PPP1R3C: variants seen among roughly 807,000 people sequenced by gnomAD.
PPP1R3C encodes protein phosphatase 1 regulatory subunit 3C.
Under a neutral mutation model 29.3 loss-of-function variants are expected in PPP1R3C, and 20 were observed. The ratio of observed to expected loss-of-function variants is 0.68; its 90% CI spans 0.48 to 0.99. The LOEUF (loss-of-function observed/expected upper bound fraction) is 0.99. PPP1R3C is among the 50% of genes least tolerant of loss of function. PPP1R3C has a pLI of 0.00. For missense variants in PPP1R3C, 321 were observed against 386.0 expected (o/e 0.83, Z 1.41); for synonymous variants, 123 against 143.1 (o/e 0.86, Z 1.00).
intron 1 of PPP1R3C, among the ~76,000 whole-genome samples, chr10:91,632,165 G>A (rs1848723946): frequency 1.3e-5 from 2 of 152,138 alleles, no homozygotes; most frequent in African/African-American, 4.8e-5. Context: ...CTCTAAACAT[G>A]TATGCAAGTG....
At position 91,630,850 on chromosome 10, in the gene PPP1R3C, C is replaced by A; in HGVS notation, c.31G>T (p.Asp11Tyr). 6.2e-7 allele frequency: 1 copy of A among 1,612,110 alleles called. No homozygotes were observed. The highest frequency in any genetic ancestry group is 8.5e-7 in the Non-Finnish European group (1 of 1,179,952). The change falls in exon 2 of 2, where the codon GAT becomes TAT. Residue 11 changes from aspartate (D) to tyrosine (Y), a missense_variant. By Grantham distance (160) the Asp-to-Tyr change is radical. Transcript: ENST00000238994. This position sits in a 1 kb window ranked among gnomAD's most constrained non-coding sequence, Gnocchi z 4.4. ...ACCGAACTTGTCAAAGGACGTGGATCTAAAACCTGGATCATTCTGGAATGC... is the reference window on the plus strand; with the variant it reads ...ACCGAACTTGTCAAAGGACGTGGATATAAAACCTGGATCATTCTGGAATGC... MSCTRMIQVLDPRPLTSSVMP... is the reference protein window; with the variant it reads MSCTRMIQVLYPRPLTSSVMP...
intron 1 of PPP1R3C, among the ~76,000 whole-genome samples, chr10:91,631,140 G>A (rs1361383266): frequency 6.6e-6 from 1 of 152,186 alleles, no homozygotes; most frequent in Non-Finnish European, 1.5e-5. Context: ...AAAAGGGTTC[G>A]ATTTGATTAT....
At chr10:91,631,663 T>G (rs1251920774) in intron 1 of PPP1R3C, among the ~76,000 whole-genome samples, 1 of 152,212 alleles carries the variant, frequency 6.6e-6, no homozygotes, top group African/African-American at 2.4e-5. Flanking sequence ...ACAATTCATA[T>G]GCACTTAAAA....
rs140135243 is a variant in PPP1R3C, at chr10:91,630,483, T to A, written c.398A>T (p.Asn133Ile). 1 of 1,614,144 alleles carries A rather than the reference T, an allele frequency of 6.2e-7. No homozygotes were observed. The highest frequency in any genetic ancestry group is 2.2e-5 in the East Asian group (1 of 44,882). The part of the protein sequence containing the change: ...SSALKHHEEK[N>I]LILDFPQPST... Reference sequence around the variant, plus strand: ...AGGCTGAGGGAAATCTAAAATCAAGTTTTTCTCCTCGTGGTGTTTTAAGGC... The same window carrying A: ...AGGCTGAGGGAAATCTAAAATCAAGATTTTCTCCTCGTGGTGTTTTAAGGC... The change falls in exon 2 of 2, where the codon AAC becomes ATC. Residue 133 changes from asparagine (N) to isoleucine (I), a missense_variant. Transcript: ENST00000238994. The surrounding 1 kb of genome is among the most constrained non-coding windows in gnomAD (Gnocchi z 4.4).
Position 91,629,949 on chromosome 10 carries a change from T to C in PPP1R3C, c.932A>G (p.Glu311Gly), listed in dbSNP as rs774066029. 8 of 1,614,180 alleles carry C rather than the reference T, an allele frequency of 5.0e-6. No individual in the cohort carries two copies. The Admixed American group carries it at 1.3e-4, about 27-fold the overall frequency. ...FPEWQSWGRM[E>G]NLASYR ...AATTCATCGATAAGAGGCCAAGTTCTCCATTCTCCCCCAGCTCTGCCACTC... is the reference window on the plus strand; with the variant it reads ...AATTCATCGATAAGAGGCCAAGTTCCCCATTCTCCCCCAGCTCTGCCACTC... The change falls in exon 2 of 2, where the codon GAG (glutamate) becomes GGG (glycine). Residue 311 changes from glutamate (E) to glycine (G), a missense_variant. Transcript: ENST00000238994.
chr10:91,632,844 C>T, intron 1 of PPP1R3C, 112 bp downstream of exon 1: 1 of 1,469,926 alleles, frequency 6.8e-7, no homozygotes, highest in Non-Finnish European at 9.3e-7. Flanking sequence ...GTCCACTTGT[C>T]CTCCCCCTGG....
Position 91,630,524 on chromosome 10 carries a change from A to G in PPP1R3C, c.357T>C (p.Leu119=), listed in dbSNP as rs781753987. ...AWDLQFDLLD[L]NDISSALKHH... ...GTTTTAAGGCAGAGGAGATATCATTAAGGTCCAAGAGATCAAACTGCAGAT... is the reference window on the plus strand; with the variant it reads ...GTTTTAAGGCAGAGGAGATATCATTGAGGTCCAAGAGATCAAACTGCAGAT... The change falls in exon 2 of 2, where the codon CTT becomes CTC. Residue 119 remains leucine (L), a synonymous_variant. Coordinates refer to ENST00000238994, the MANE Select transcript of PPP1R3C (RefSeq NM_005398.7). This position sits in a 1 kb window ranked among gnomAD's most constrained non-coding sequence, Gnocchi z 4.4. The G allele has an allele frequency of 6.2e-7, 1 of 1,614,184 alleles. No individual in the cohort carries two copies. The highest frequency in any genetic ancestry group is 1.1e-5 in the South Asian group (1 of 91,080).
In PPP1R3C at chr10:91,630,973, C is replaced by T. The variant is rs1214277572; in HGVS notation, c.15-107G>A. On this transcript the variant is annotated intron_variant, in intron 1 of 1. Coordinates refer to ENST00000238994, the MANE Select transcript of PPP1R3C (RefSeq NM_005398.7). This position sits in a 1 kb window ranked among gnomAD's most constrained non-coding sequence, Gnocchi z 4.4. ...TGCTGACTGAATTATAGCCAGTGCACTAGATATCAGGCAGGTGCTATCATA... is the reference window on the plus strand; with the variant it reads ...TGCTGACTGAATTATAGCCAGTGCATTAGATATCAGGCAGGTGCTATCATA... The T allele has an allele frequency of 1.1e-6, 1 of 947,612 alleles. No individual in the cohort carries two copies. The highest frequency in any genetic ancestry group is 2.5e-5 in the East Asian group (1 of 39,510). 58.7% of individuals were successfully genotyped at this position (947,612 alleles called of 1,614,324 possible). A position where few individuals can be genotyped will look rare whatever the true frequency, so the allele number is the denominator to read the frequency against.
chr10:91,632,862 A>G (rs1340461433), intron 1 of PPP1R3C, 94 bp downstream of exon 1: 2 of 1,524,810 alleles, frequency 1.3e-6, no homozygotes, highest in Middle Eastern at 1.7e-4. Context: ...TGGGGTGTCC[A>G]TTTCCAGAGA....
In PPP1R3C at chr10:91,633,041, C is replaced by G; in HGVS notation, c.-72G>C. On this transcript the variant is annotated 5_prime_UTR_variant, in exon 1 of 2. Transcript: ENST00000238994. ...ACAAATTCGAACCACAGCTCCAGGC[C>G]TTGCCCCCGCGGCGGTCGCTGGGAG... 6.3e-7 allele frequency: 1 copy of G among 1,577,484 alleles called. No individual in the cohort carries two copies. The highest frequency in any genetic ancestry group is 8.6e-7 in the Non-Finnish European group (1 of 1,160,000).
rs1256768099 is a variant in PPP1R3C at position 91,630,108 on chromosome 10, T to C, written c.773A>G (p.His258Arg). The change falls in exon 2 of 2, where the codon CAT (histidine) becomes CGT (arginine). Residue 258 changes from histidine to arginine, a missense_variant. Transcript: ENST00000238994. The surrounding 1 kb of genome is among the most constrained non-coding windows in gnomAD (Gnocchi z 4.4). ...NNDGQNYRIV[H>R]VQWKPDGVQT... ...CACCCCATCAGGCTTCCATTGAACA[T>C]GAACAATTCTATAATTCTGACCATC... 3 of 1,614,070 alleles carry C rather than the reference T, an allele frequency of 1.9e-6. No homozygotes were observed. The highest frequency in any genetic ancestry group is 4.5e-5 in the East Asian group (2 of 44,894).
At position 91,629,401 on chromosome 10, in the gene PPP1R3C, G is replaced by A. The variant is rs958860997; in HGVS notation, c.*526C>T. The A allele has an allele frequency of 6.2e-6, 1 of 161,524 alleles. No individual in the cohort carries two copies. Among genetic ancestry groups the A allele is most frequent in the Non-Finnish European group, 1.4e-5 (1 of 73,188 alleles). 10.0% of individuals were successfully genotyped at this position (161,524 alleles called of 1,614,324 possible). A position where few individuals can be genotyped will look rare whatever the true frequency, so the allele number is the denominator to read the frequency against. On this transcript the variant is annotated 3_prime_UTR_variant, in exon 2 of 2. Coordinates refer to ENST00000238994, the MANE Select transcript of PPP1R3C (RefSeq NM_005398.7). ...AGGTTATTTAGCTTTTCTCCACAAG[G>A]ATACGTAGAATGGATCTTTTTCCCC...
chr10:91,630,995 C>A lies in PPP1R3C; in HGVS notation c.15-129G>T. 1 of 799,502 alleles carries A rather than the reference C, an allele frequency of 1.3e-6. No homozygotes were observed. Among genetic ancestry groups the A allele is most frequent in the Non-Finnish European group, 2.1e-6 (1 of 473,996 alleles). The allele number at this position is 799,502 out of a possible 1,614,324, so 49.5% of individuals were successfully genotyped here. On this transcript the variant is annotated intron_variant, in intron 1 of 1. Transcript: ENST00000238994. The surrounding 1 kb of genome is among the most constrained non-coding windows in gnomAD (Gnocchi z 4.4). ...GCACTAGATATCAGGCAGGTGCTATCATATGTAGTAAAAGAGAACAGTATT... is the reference window on the plus strand; with the variant it reads ...GCACTAGATATCAGGCAGGTGCTATAATATGTAGTAAAAGAGAACAGTATT...
chr10:91,633,047 C>G lies in PPP1R3C; in HGVS notation c.-78G>C. The G allele has an allele frequency of 6.4e-7, 1 of 1,569,068 alleles. No homozygotes were observed. Among genetic ancestry groups the G allele is most frequent in the Non-Finnish European group, 8.7e-7 (1 of 1,154,744 alleles). On this transcript the variant is annotated 5_prime_UTR_variant, in exon 1 of 2. Coordinates refer to ENST00000238994, the MANE Select transcript of PPP1R3C (RefSeq NM_005398.7). The stretch of plus-strand genomic sequence containing the variant: ...TCGAACCACAGCTCCAGGCCTTGCC[C>G]CCGCGGCGGTCGCTGGGAGAGACTG...
rs540509300 is a variant in PPP1R3C at position 91,630,835 on chromosome 10, T to C, written c.46A>G (p.Thr16Ala). The C allele has an allele frequency of 6.2e-7, 1 of 1,613,346 alleles. No individual in the cohort carries two copies. Among genetic ancestry groups the C allele is most frequent in the East Asian group, 2.2e-5 (1 of 44,872 alleles). Residue 16 changes from threonine (T) to alanine (A), a missense_variant, in exon 2 of 2, where the codon ACA (threonine) becomes GCA (alanine). Physicochemically the swap from Thr to Ala is moderately conservative, Grantham distance 58. Coordinates refer to ENST00000238994, the MANE Select transcript of PPP1R3C (RefSeq NM_005398.7). This position sits in a 1 kb window ranked among gnomAD's most constrained non-coding sequence, Gnocchi z 4.4. ...ACATCCACGGGCATGACCGAACTTG[T>C]CAAAGGACGTGGATCTAAAACCTGG... ...MIQVLDPRPL[T>A]SSVMPVDVAM... is the part of the protein sequence containing the mutation.
In PPP1R3C at chr10:91,630,140, G is replaced by A. The variant is rs1426069545; in HGVS notation, c.741C>T (p.Asp247=). ...SYHANGQVFW[D]NNDGQNYRIV... is the part of the protein sequence containing the mutation. ...TTCTATAATTCTGACCATCATTGTT[G>A]TCCCAAAAGACTTGCCCATTAGCAT... The change falls in exon 2 of 2, where the codon GAC becomes GAT. Residue 247 remains aspartate, a synonymous_variant. Coordinates refer to ENST00000238994, the MANE Select transcript of PPP1R3C (RefSeq NM_005398.7). This position sits in a 1 kb window ranked among gnomAD's most constrained non-coding sequence, Gnocchi z 4.4. 3 of 1,614,160 alleles carry A rather than the reference G, an allele frequency of 1.9e-6. No homozygotes were observed. Among genetic ancestry groups the A allele is most frequent in the Non-Finnish European group, 1.7e-6 (2 of 1,180,034 alleles).
chr10:91,632,703 C>T (rs73322027), intron 1 of PPP1R3C, among the ~76,000 whole-genome samples: 1,555 of 152,254 alleles, frequency 0.01, 29 homozygotes, highest in African/African-American at 0.035. Context: ...AAAATCCTAA[C>T]TCAAGCTGAT....
At chr10:91,631,328 A>G (rs1055907145) in intron 1 of PPP1R3C, among the ~76,000 whole-genome samples, 2 of 149,812 alleles carry the variant, frequency 1.3e-5, no homozygotes, top group African/African-American at 4.9e-5. Flanking sequence ...TTTCTTTCCA[A>G]TTCCTGGGAC....
rs536939868 is a variant in PPP1R3C at position 91,632,393 on chromosome 10, T to A, written c.14+563A>T. 2.0e-5 allele frequency among the ~76,000 whole-genome samples: 3 copies of A among 150,808 alleles called. No individual in the cohort carries two copies. In the East Asian group the frequency reaches 5.8e-4, roughly 29 times the overall value. On this transcript the variant is annotated intron_variant, in intron 1 of 1. Coordinates refer to ENST00000238994, the MANE Select transcript of PPP1R3C (RefSeq NM_005398.7). ...TAGTTTTATGGGAGGTTTTTTTTGG[T>A]TTTTTTGTTTTTTTTTTTTTACTTT...
Sources: gnomAD v4.1 joint callset for allele counts (sites outside exome capture counted in the v4.1 genomes callset) on GRCh38, gnomAD v4.1.1 for gene constraint, Gnocchi (gnomAD v3.1) non-coding constraint, MANE v1.5 for transcripts, NCBI Gene and HGNC (gene_info 2026-07-23, HGNC 2026-07-21) for gene names.